The following ATE1 variants were observed in gnomAD, a reference collection of about 807,000 sequenced individuals.
ATE1 encodes arginyltransferase 1, also known as arginyl-tRNA--protein transferase 1.
Under a neutral mutation model 70.5 loss-of-function variants are expected in ATE1, and 36 were observed. The observed-to-expected ratio is 0.51, with a 90% confidence interval of 0.39 to 0.67. The LOEUF is 0.67. Ranked by LOEUF, ATE1 falls within the 30% of genes least tolerant of loss-of-function variation. The pLI is 0.00. For missense variants in ATE1, 593 were observed against 629.5 expected (o/e 0.94, Z 0.62); for synonymous variants, 232 against 219.3 (o/e 1.06, Z -0.51).
intron 1 of ATE1, chr10:121,927,276 G>C (rs976839106): frequency 2.0e-6 from 2 of 984,870 alleles, no homozygotes; most frequent in South Asian, 4.7e-5. Context: ...AAACAGATCA[G>C]GACAAACAGA....
At chr10:121,882,088 GCC>G (rs1950244986) in intron 7 of ATE1, among the ~76,000 whole-genome samples, 1 of 152,116 alleles carries the variant, frequency 6.6e-6, no homozygotes, top group Admixed American at 6.6e-5. Context: ...GAGCCACCGT[GCC>G]CGGCCTACAG....
chr10:121,759,379 G>C (rs1944939596), intron 11 of ATE1, among the ~76,000 whole-genome samples: 1 of 152,174 alleles, frequency 6.6e-6, no homozygotes, highest in Non-Finnish European at 1.5e-5. Context: ...GCGGAAGCTA[G>C]GAGAGATTGA....
intron 7 of ATE1, among the ~76,000 whole-genome samples, chr10:121,895,895 C>T (rs1430365183): frequency 2.7e-5 from 4 of 150,182 alleles, no homozygotes; most frequent in Admixed American, 1.3e-4. Context: ...CCTGCCTGGG[C>T]GACAGAGCAA....
Position 121,807,515 on chromosome 10 carries a change from G to C in ATE1, c.1258-17226C>G, listed in dbSNP as rs1001696129. On this transcript the variant is annotated intron_variant, in intron 10 of 11. Transcript: ENST00000224652. ...CAACTTTATTATTGAACTTCACATA[G>C]CAAACTGTACTTATATTATAGCTGA... Among the ~76,000 whole-genome samples, 158 of 152,186 alleles carry C rather than the reference G, an allele frequency of 1.0e-3. 1 individual carries two copies. The highest frequency in any genetic ancestry group is 3.5e-4 in the Non-Finnish European group (24 of 68,030).
intron 3 of ATE1, among the ~76,000 whole-genome samples, chr10:121,917,767 G>C (rs563244073): frequency 6.6e-6 from 1 of 152,300 alleles, no homozygotes; most frequent in East Asian, 1.9e-4. Flanking sequence ...AATGGGACAG[G>C]GGGGTTGGGG....
intron 10 of ATE1, among the ~76,000 whole-genome samples, chr10:121,833,808 T>G (rs1008483925): frequency 2.6e-5 from 4 of 152,128 alleles, no homozygotes; most frequent in Non-Finnish European, 1.5e-5. Flanking sequence ...AACAGCAAAC[T>G]TTAAAATGGG....
chr10:121,816,187 T>G (rs1947534542), intron 10 of ATE1, among the ~76,000 whole-genome samples: 1 of 152,198 alleles, frequency 6.6e-6, no homozygotes, highest in Non-Finnish European at 1.5e-5. Context: ...AAATTTATTA[T>G]CATACTCCCT....
At chr10:121,818,532 G>A (rs1368414329) in intron 10 of ATE1, among the ~76,000 whole-genome samples, 3 of 152,188 alleles carry the variant, frequency 2.0e-5, no homozygotes, top group Non-Finnish European at 4.4e-5. Flanking sequence ...GTGGCATCAA[G>A]AGCAGGCCGC....
chr10:121,810,802 A>G (rs1177034956), intron 10 of ATE1, among the ~76,000 whole-genome samples: 1 of 152,082 alleles, frequency 6.6e-6, no homozygotes, highest in Admixed American at 6.6e-5. Flanking sequence ...TCCAGGATTC[A>G]AGCAATTCTC....
At chr10:121,926,550 A>G (rs911341131) in intron 1 of ATE1, among the ~76,000 whole-genome samples, 5 of 152,252 alleles carry the variant, frequency 3.3e-5, no homozygotes, top group African/African-American at 1.2e-4. Context: ...GTGAAATACA[A>G]GACATTTATG....
chr10:121,791,055 CGTGTGTGT>C (rs71189171), intron 10 of ATE1, among the ~76,000 whole-genome samples: 29,620 of 135,442 alleles, frequency 0.22, 4,422 homozygotes, highest in South Asian at 0.31. Flanking sequence ...TATATGTATA[CGTGTGTGT>C]GTGTGTGTGT....
chr10:121,888,720 C>T (rs1950486299), intron 7 of ATE1, among the ~76,000 whole-genome samples: 1 of 152,112 alleles, frequency 6.6e-6, no homozygotes, highest in Non-Finnish European at 1.5e-5. Context: ...AGCCTCATAC[C>T]AGGAACTACT....
chr10:121,848,763 T>C (rs1948941888), intron 8 of ATE1, among the ~76,000 whole-genome samples: 2 of 147,480 alleles, frequency 1.4e-5, no homozygotes, highest in African/African-American at 5.0e-5. Context: ...ATGAAAAAAT[T>C]AGCTGGGCAT....
intron 8 of ATE1, among the ~76,000 whole-genome samples, chr10:121,847,329 T>A (rs1383820744): frequency 6.6e-6 from 1 of 151,936 alleles, no homozygotes; most frequent in African/African-American, 2.4e-5. Flanking sequence ...GTACCTGTAA[T>A]CCCAGTTACT....
At chr10:121,830,191 T>C (rs1948182526) in intron 10 of ATE1, among the ~76,000 whole-genome samples, 1 of 152,206 alleles carries the variant, frequency 6.6e-6, no homozygotes, top group South Asian at 2.1e-4. Flanking sequence ...GGTTTGCCCC[T>C]GACAAAGCTC....
intron 10 of ATE1, among the ~76,000 whole-genome samples, chr10:121,819,304 G>A (rs978435930): frequency 6.6e-6 from 1 of 152,068 alleles, no homozygotes; most frequent in Non-Finnish European, 1.5e-5. Context: ...TAAAGATAAC[G>A]CATACTCATC....
chr10:121,832,784 C>T (rs1948294445), intron 10 of ATE1, among the ~76,000 whole-genome samples: 1 of 152,142 alleles, frequency 6.6e-6, no homozygotes, highest in Admixed American at 6.5e-5. Flanking sequence ...CTGCCATTGG[C>T]CTCTAAGTAA....
chr10:121,799,176 T>TGAG (rs781253088), intron 10 of ATE1, among the ~76,000 whole-genome samples: 2 of 152,174 alleles, frequency 1.3e-5, no homozygotes, highest in Non-Finnish European at 2.9e-5. Flanking sequence ...GTGCTCATTC[T>TGAG]CTGCTGGGGA....
intron 9 of ATE1, among the ~76,000 whole-genome samples, chr10:121,839,648 T>C (rs1948555607): frequency 1.3e-5 from 2 of 152,206 alleles, no homozygotes; most frequent in African/African-American, 2.4e-5. Flanking sequence ...TATACAAAAA[T>C]GTGATTAAAT....
Sources: allele counts gnomAD v4.1 joint callset (sites outside exome capture counted in the v4.1 genomes callset), GRCh38; gene constraint gnomAD v4.1.1; transcripts MANE v1.5; gene names NCBI Gene and HGNC (gene_info 2026-07-23, HGNC 2026-07-21).